The following KDM2A variants were observed in gnomAD, a reference collection of about 807,000 sequenced individuals.
The protein encoded by KDM2A is lysine demethylase 2A, also known as lysine-specific demethylase 2A.
Under a neutral mutation model 137.3 loss-of-function variants are expected in KDM2A, and 3 were observed. The ratio of observed to expected loss-of-function variants is 0.02; its 90% CI spans 0.01 to 0.06. The LOEUF (loss-of-function observed/expected upper bound fraction) is 0.06. Ranked by LOEUF, KDM2A falls within the 10% of genes least tolerant of loss-of-function variation. The probability of loss-of-function intolerance (pLI) is 1.00; values close to 1 mark genes in which losing one functional copy is unlikely to be tolerated. For missense variants in KDM2A, 738 were observed against 1,510.6 expected, an observed-to-expected ratio of 0.49 and a Z score of 8.48; for synonymous variants, 512 against 541.5, an observed-to-expected ratio of 0.95 and a Z score of 0.76.
At chr11:67,232,761 G>T (rs998219771) in intron 12 of KDM2A, among the ~76,000 whole-genome samples, 2 of 151,246 alleles carry the variant, frequency 1.3e-5, no homozygotes, top group African/African-American at 4.9e-5. Context: ...AGGTTGGAGT[G>T]CAATGGCAAG....
intron 6 of KDM2A, 95 bp from the exon 7 acceptor site, chr11:67,215,245 T>A: frequency 1.4e-6 from 1 of 694,086 alleles, no homozygotes; most frequent in East Asian, 2.8e-5. Flanking sequence ...TTTTTTGTTA[T>A]GTATTTTAAG....
chr11:67,199,849 A>C (rs1857574349), intron 5 of KDM2A, among the ~76,000 whole-genome samples: 1 of 152,224 alleles, frequency 6.6e-6, no homozygotes, highest in Non-Finnish European at 1.5e-5. Flanking sequence ...AGAAGATAGC[A>C]TCTAGGATTT....
chr11:67,223,065 G>A (rs530100451), intron 10 of KDM2A, among the ~76,000 whole-genome samples: 2 of 151,916 alleles, frequency 1.3e-5, no homozygotes, highest in African/African-American at 2.4e-5. Context: ...GGTGGCACAT[G>A]CCTGTAATCC....
At chr11:67,157,305 A>T (rs1275135531) in intron 2 of KDM2A, among the ~76,000 whole-genome samples, 7 of 146,700 alleles carry the variant, frequency 4.8e-5, no homozygotes, top group Non-Finnish European at 1.1e-4. Flanking sequence ...CGACAGAGCA[A>T]GACTCCCGTC....
intron 6 of KDM2A, among the ~76,000 whole-genome samples, chr11:67,210,333 C>G (rs1857943122): frequency 6.6e-6 from 1 of 150,810 alleles, no homozygotes; most frequent in Non-Finnish European, 1.5e-5. Context: ...CTTGTTTCTA[C>G]TTTTGAAAAA....
At chr11:67,142,433 C>T (rs1318946746) in intron 2 of KDM2A, among the ~76,000 whole-genome samples, 2 of 150,728 alleles carry the variant, frequency 1.3e-5, no homozygotes, top group African/African-American at 2.4e-5. Context: ...GGCGGATCAC[C>T]TGAGGTCAGG....
At chr11:67,169,643 T>C (rs1409409405) in intron 2 of KDM2A, among the ~76,000 whole-genome samples, 4 of 152,090 alleles carry the variant, frequency 2.6e-5, no homozygotes, top group African/African-American at 9.6e-5. Flanking sequence ...CCCAAAGTGC[T>C]GAGATTATAG....
intron 19 of KDM2A, among the ~76,000 whole-genome samples, chr11:67,253,914 T>C (rs1312874278): frequency 2.6e-5 from 4 of 152,114 alleles, no homozygotes; most frequent in Admixed American, 2.6e-4. Flanking sequence ...ATTTGCATGA[T>C]GGTCTAGAAA....
intron 5 of KDM2A, among the ~76,000 whole-genome samples, chr11:67,202,635 G>C (rs1231654203): frequency 6.6e-6 from 1 of 151,322 alleles, no homozygotes; most frequent in African/African-American, 2.4e-5. Context: ...AACTAGCCAG[G>C]CATGGTGGCA....
intron 2 of KDM2A, chr11:67,149,066 T>C (rs1338368127): frequency 6.6e-6 from 1 of 152,158 alleles, no homozygotes; most frequent in Non-Finnish European, 1.5e-5. Flanking sequence ...TGGTGGCAGA[T>C]GAAAAAGCAG....
At chr11:67,185,125 T>C (rs1857174876) in intron 5 of KDM2A, among the ~76,000 whole-genome samples, 1 of 152,110 alleles carries the variant, frequency 6.6e-6, no homozygotes. Context: ...AAGGAAGTAA[T>C]GTATGAACAA....
intron 2 of KDM2A, among the ~76,000 whole-genome samples, chr11:67,170,538 G>T (rs576075346): frequency 6.7e-6 from 1 of 150,126 alleles, no homozygotes; most frequent in Non-Finnish European, 1.5e-5. Flanking sequence ...TGAGCCTCCC[G>T]AGTAGCTGGG....
At position 67,173,038 on chromosome 11, in the gene KDM2A, T is replaced by C. The variant is rs1856910367; in HGVS notation, c.43-7041T>C. ...AGGTCTCTCACCCTGTCACCCAGGCTGGAGTGCAGTGGTGCTGTAACAGTT... is the reference window on the plus strand; with the variant it reads ...AGGTCTCTCACCCTGTCACCCAGGCCGGAGTGCAGTGGTGCTGTAACAGTT... On this transcript the variant is annotated intron_variant, in intron 2 of 20. Coordinates refer to ENST00000529006, the MANE Select transcript of KDM2A (RefSeq NM_012308.3). Among the ~76,000 whole-genome samples, 2 of 152,194 alleles carry C rather than the reference T, an allele frequency of 1.3e-5. 1 individual carries two copies. Among genetic ancestry groups the C allele is most frequent in the South Asian group, 4.1e-4 (2 of 4,830 alleles).
At chr11:67,237,830 C>A (rs1858914286) in intron 12 of KDM2A, among the ~76,000 whole-genome samples, 1 of 151,668 alleles carries the variant, frequency 6.6e-6, no homozygotes, top group African/African-American at 2.4e-5. Context: ...ACCTGTAGTC[C>A]CAGCTACTCA....
At chr11:67,185,967 G>A (rs1857195008) in intron 5 of KDM2A, among the ~76,000 whole-genome samples, 1 of 151,804 alleles carries the variant, frequency 6.6e-6, no homozygotes, top group African/African-American at 2.4e-5. Flanking sequence ...TCTGTCAACA[G>A]CAACACAAAA....
chr11:67,210,349 C>CA (rs957725781), intron 6 of KDM2A, among the ~76,000 whole-genome samples: 1 of 150,546 alleles, frequency 6.6e-6, no homozygotes. Context: ...AAAAAAAAAA[C>CA]AAAAAACAAA....
chr11:67,162,162 A>G (rs931309606), intron 2 of KDM2A, among the ~76,000 whole-genome samples: 4 of 152,118 alleles, frequency 2.6e-5, no homozygotes, highest in Non-Finnish European at 2.9e-5. Context: ...ATTTTGGTTT[A>G]TTTGGTAAAT....
chr11:67,203,516 A>G (rs539100903), intron 5 of KDM2A, among the ~76,000 whole-genome samples: 1 of 147,734 alleles, frequency 6.8e-6, no homozygotes, highest in South Asian at 2.1e-4. Context: ...TATATAATAT[A>G]AAATATATAA....
intron 2 of KDM2A, among the ~76,000 whole-genome samples, chr11:67,160,310 A>G (rs376117530): frequency 5.3e-5 from 8 of 152,162 alleles, no homozygotes; most frequent in African/African-American, 1.9e-4. Context: ...AGTTCACCAG[A>G]TGCTGGCCTG....
Sources: allele counts gnomAD v4.1 joint callset (sites outside exome capture counted in the v4.1 genomes callset), GRCh38; gene constraint gnomAD v4.1.1; transcripts MANE v1.5; gene names NCBI Gene and HGNC (gene_info 2026-07-23, HGNC 2026-07-21).